Variants in RBFOX3 observed in about 807,000 individuals in gnomAD.
The protein encoded by RBFOX3 is RNA binding fox-1 homolog 3, also known as RNA binding protein fox-1 homolog 3.
Under a neutral mutation model 48.7 loss-of-function variants are expected in RBFOX3, and 17 were observed. The observed-to-expected ratio is 0.35, with a 90% CI of 0.24 to 0.52. RBFOX3 has a LOEUF of 0.52. RBFOX3 is among the 20% of genes least tolerant of loss of function. The probability of loss-of-function intolerance (pLI) is 0.94; values close to 1 mark genes in which losing one functional copy is unlikely to be tolerated. For synonymous variants in RBFOX3, 212 were observed against 209.5 expected (o/e 1.01, Z -0.10); for missense variants, 382 against 497.5 (o/e 0.77, Z 2.21).
At chr17:79,459,337 G>A (rs1279888725) in intron 2 of RBFOX3, among the ~76,000 whole-genome samples, 4 of 152,292 alleles carry the variant, frequency 2.6e-5, no homozygotes, top group Non-Finnish European at 4.4e-5. Context: ...GAGGGCAGGG[G>A]CGGATGTGCA....
At chr17:79,285,100 G>A (rs990318940) in intron 3 of RBFOX3, among the ~76,000 whole-genome samples, 7 of 152,154 alleles carry the variant, frequency 4.6e-5, no homozygotes, top group African/African-American at 1.4e-4. Context: ...CCTGCCTTGC[G>A]GATGTGTTGG....
intron 4 of RBFOX3, among the ~76,000 whole-genome samples, chr17:79,154,935 C>G (rs2145021756): frequency 6.6e-6 from 1 of 152,316 alleles, no homozygotes; most frequent in South Asian, 2.1e-4. Context: ...GGTCCTGCGC[C>G]TCCCAGGACA....
chr17:79,572,160 G>T lies in RBFOX3; in HGVS notation c.-320+38666C>A, dbSNP rs917819476. On this transcript the variant is annotated intron_variant, in intron 1 of 14. Transcript: ENST00000693108. ...CACACAATTAGGGCAGTGGGGACTG[G>T]GCTGGGATTCAGGTCCCCCTGCAGC... 2.9e-3 allele frequency among the ~76,000 whole-genome samples: 444 copies of T among 152,216 alleles called. 2 individuals are homozygous for T. The highest frequency in any genetic ancestry group is 5.2e-3 in the Non-Finnish European group (351 of 68,002).
In RBFOX3 at chr17:79,097,349, GCCCGGC is replaced by G; in HGVS notation, c.692_697del (p.Gly231_Arg232del). ...CGCAGCCCGAAATGTATTATACACG[GCCCGGC>G]CCCGGCCCCGAAGATGTGCGCCCCG... On this transcript the variant is annotated inframe_deletion, in exon 11 of 15. Coordinates refer to ENST00000693108, the MANE Select transcript of RBFOX3 (RefSeq NM_001350451.2). 1.9e-6 allele frequency: 3 copies of G among 1,548,938 alleles called. No individual in the cohort carries two copies. Among genetic ancestry groups the G allele is most frequent in the Non-Finnish European group, 2.6e-6 (3 of 1,146,290 alleles).
chr17:79,147,350 T>C (rs570611451), intron 4 of RBFOX3, among the ~76,000 whole-genome samples: 2 of 152,284 alleles, frequency 1.3e-5, no homozygotes, highest in South Asian at 4.1e-4. Context: ...GAAACCCAGA[T>C]GTAGAGAAGA....
the RBFOX3 span, among the ~76,000 whole-genome samples, chr17:79,620,587 ACACACACG>A: frequency 1.4e-4 from 5 of 36,562 alleles, no homozygotes; most frequent in Admixed American, 2.5e-4. Context: ...ACACGCACGC[ACACACACG>A]CACGCACGCA....
At chr17:79,217,888 G>A (rs919428264) in intron 4 of RBFOX3, among the ~76,000 whole-genome samples, 12 of 152,152 alleles carry the variant, frequency 7.9e-5, no homozygotes, top group Non-Finnish European at 1.6e-4. Context: ...GGGAGGAGCC[G>A]GAAGGAGGTG....
chr17:79,605,284 C>A (rs1477357751), intron 1 of RBFOX3, among the ~76,000 whole-genome samples: 1 of 152,182 alleles, frequency 6.6e-6, no homozygotes, highest in Non-Finnish European at 1.5e-5. Flanking sequence ...ATGTTATGAT[C>A]TCAACTGGGC....
At chr17:79,124,539 G>A (rs1396013869) in intron 4 of RBFOX3, among the ~76,000 whole-genome samples, 1 of 152,250 alleles carries the variant, frequency 6.6e-6, no homozygotes, top group African/African-American at 2.4e-5. Context: ...AGCAGCAAGG[G>A]CTGGAAGGTG....
At chr17:79,291,315 C>A (rs1405265710) in intron 3 of RBFOX3, among the ~76,000 whole-genome samples, 1 of 152,222 alleles carries the variant, frequency 6.6e-6, no homozygotes, top group African/African-American at 2.4e-5. Flanking sequence ...AGAGCTCGCT[C>A]TGCGGTGCCA....
At chr17:79,428,693 G>A (rs891103520) in intron 2 of RBFOX3, among the ~76,000 whole-genome samples, 4 of 152,306 alleles carry the variant, frequency 2.6e-5, no homozygotes, top group South Asian at 2.1e-4. Context: ...TGGTGGCAGT[G>A]CCTGTGACGC....
intron 2 of RBFOX3, among the ~76,000 whole-genome samples, chr17:79,409,565 A>C (rs941021574): frequency 2.0e-5 from 3 of 152,216 alleles, no homozygotes; most frequent in African/African-American, 4.8e-5. Flanking sequence ...ACTTGTGTAG[A>C]TATATGGCCT....
chr17:79,358,555 G>C (rs1431880953), intron 2 of RBFOX3, among the ~76,000 whole-genome samples: 1 of 152,112 alleles, frequency 6.6e-6, no homozygotes, highest in African/African-American at 2.4e-5. Context: ...CTACCTCCCG[G>C]GTTCAAGCAA....
chr17:79,645,994 C>T, the RBFOX3 span, among the ~76,000 whole-genome samples: 2,340 of 152,312 alleles, frequency 0.015, 142 homozygotes, highest in Admixed American at 0.11. Context: ...ATCCACCTCT[C>T]TCCCCACTCT....
chr17:79,467,452 T>C (rs2076463270), intron 2 of RBFOX3, among the ~76,000 whole-genome samples: 1 of 152,188 alleles, frequency 6.6e-6, no homozygotes, highest in Non-Finnish European at 1.5e-5. Context: ...ATCCCTCTCT[T>C]GGTACCAGGT....
chr17:79,106,636 G>A lies in RBFOX3; in HGVS notation c.360+15C>T. 1 of 1,451,454 alleles carries A rather than the reference G, an allele frequency of 6.9e-7. No homozygotes were observed. 89.9% of individuals were successfully genotyped at this position (1,451,454 alleles called of 1,614,324 possible). A position where few individuals can be genotyped will look rare whatever the true frequency, so the allele number is the denominator to read the frequency against. On this transcript the variant is annotated intron_variant, in intron 6 of 14. Coordinates refer to ENST00000693108, the MANE Select transcript of RBFOX3 (RefSeq NM_001350451.2). ...AGGTGTGGAGGGCAGGATGGGTGGG[G>A]CCGCGCACACTCACCCCGAACATTT...
At chr17:79,463,857 C>T (rs2075948052) in intron 2 of RBFOX3, among the ~76,000 whole-genome samples, 1 of 151,520 alleles carries the variant, frequency 6.6e-6, no homozygotes, top group African/African-American at 2.4e-5. Context: ...GCCACTGCCA[C>T]CTCCCCATCG....
intron 1 of RBFOX3, among the ~76,000 whole-genome samples, chr17:79,582,277 T>C (rs1291988595): frequency 6.6e-6 from 1 of 150,906 alleles, no homozygotes; most frequent in African/African-American, 2.5e-5. Context: ...CATGTGCCTG[T>C]GTGTGCATCT....
At chr17:79,127,943 G>C (rs2037757089) in intron 4 of RBFOX3, among the ~76,000 whole-genome samples, 1 of 152,240 alleles carries the variant, frequency 6.6e-6, no homozygotes, top group Non-Finnish European at 1.5e-5. Flanking sequence ...TGCTGGTGCG[G>C]GCAGGGAGCC....
Sources: allele counts gnomAD v4.1 joint callset (sites outside exome capture counted in the v4.1 genomes callset), GRCh38; gene constraint gnomAD v4.1.1; transcripts MANE v1.5; gene names NCBI Gene and HGNC (gene_info 2026-07-23, HGNC 2026-07-21).